MYO5C: variants seen among roughly 807,000 people sequenced by gnomAD.
MYO5C encodes myosin VC.
Under a neutral mutation model 235.7 loss-of-function variants are expected in MYO5C, and 194 were observed. That is an observed-to-expected ratio of 0.82 (90% CI 0.73 to 0.93). The LOEUF is 0.93. Ranked by LOEUF, MYO5C falls within the 40% of genes least tolerant of loss-of-function variation. The pLI is 0.00. For synonymous variants in MYO5C, 707 were observed against 754.8 expected (o/e 0.94, Z 1.04); for missense variants, 2,038 against 2,127.2 (o/e 0.96, Z 0.82).
At chr15:52,239,163 C>A (rs1052219104) in intron 21 of MYO5C, among the ~76,000 whole-genome samples, 5 of 152,054 alleles carry the variant, frequency 3.3e-5, no homozygotes, top group Admixed American at 6.6e-5. Flanking sequence ...GTTGGTCACG[C>A]TGGTCTCGAA....
rs1251097198 is a variant in MYO5C at position 52,204,956 on chromosome 15, T to G, written c.4729A>C (p.Lys1577Gln). ...LDPELVRQAV[K>Q]QLFFLIGAVT... is the part of the protein sequence containing the mutation. ...GCCCCGATCAAGAAGAAGAGCTGCT[T>G]CACCGCCTGCCTCACAAGCTCGGGG... The change falls in exon 38 of 41, where the codon AAG (lysine) becomes CAG (glutamine). Residue 1577 changes from lysine (K) to glutamine (Q), a missense_variant. Transcript: ENST00000261839. 1 of 1,614,124 alleles carries G rather than the reference T, an allele frequency of 6.2e-7. No homozygotes were observed. Among genetic ancestry groups the G allele is most frequent in the Admixed American group, 1.7e-5 (1 of 60,010 alleles).
In MYO5C at chr15:52,248,684, C is replaced by A. The variant is rs554525934; in HGVS notation, c.1746+16G>T. 6 of 1,594,726 alleles carry A rather than the reference C, an allele frequency of 3.8e-6. No individual in the cohort carries two copies. The Admixed American group carries it at 1.0e-4, about 27-fold the overall frequency. On this transcript the variant is annotated intron_variant, in intron 14 of 40. Transcript: ENST00000261839. The stretch of plus-strand genomic sequence containing the variant: ...AATTATATAATAACTTTAGTTACCC[C>A]TAGGACTTTACAGACCTTGCTTGCT...
chr15:52,264,785 GTT>G (rs2036767501), intron 8 of MYO5C, among the ~76,000 whole-genome samples: 1 of 152,182 alleles, frequency 6.6e-6, no homozygotes, highest in Non-Finnish European at 1.5e-5. Flanking sequence ...CTTTGGTTGG[GTT>G]TGATTCATGG....
rs1398582520 is a variant in MYO5C at position 52,260,989 on chromosome 15, T to C, written c.1186A>G (p.Asn396Asp). ...VKPMTRPQAV[N>D]ARDALAKKIY... ...TTTTTGGCCAGTGCATCCCTGGCGT[T>C]GACAGCCTGAGGCCTGGTCATGGGT... is the stretch of plus-strand genomic sequence containing the variant. The change falls in exon 10 of 41, where the codon AAC becomes GAC. Residue 396 changes from asparagine (N) to aspartate (D), a missense_variant. Asn to Asp is a conservative substitution (Grantham distance 23). Coordinates refer to ENST00000261839, the MANE Select transcript of MYO5C (RefSeq NM_018728.4). 1 of 1,614,250 alleles carries C rather than the reference T, an allele frequency of 6.2e-7. No individual in the cohort carries two copies. Among genetic ancestry groups the C allele is most frequent in the Admixed American group, 1.7e-5 (1 of 60,036 alleles).
chr15:52,207,746 A>G (rs1468015305), intron 36 of MYO5C, among the ~76,000 whole-genome samples: 10 of 152,236 alleles, frequency 6.6e-5, no homozygotes, highest in Non-Finnish European at 7.3e-5. Flanking sequence ...GCTAAGCTAC[A>G]GTCTATCCAT....
chr15:52,213,166 CCAGA>C lies in MYO5C; in HGVS notation c.4141+18_4141+21del. 1 of 1,598,350 alleles carries C rather than the reference CCAGA, an allele frequency of 6.3e-7. No homozygotes were observed. Among genetic ancestry groups the C allele is most frequent in the South Asian group, 1.1e-5 (1 of 90,670 alleles). The stretch of plus-strand genomic sequence containing the variant: ...AAGTTCTCAAAGAGAAAGCAAAAAT[CCAGA>C]GTTCCAGGTTTCACTACCAAGAATG... On this transcript the variant is annotated intron_variant, in intron 34 of 40. Transcript: ENST00000261839.
At chr15:52,202,928 G>GTTTT (rs67608739) in intron 38 of MYO5C, among the ~76,000 whole-genome samples, 4 of 146,072 alleles carry the variant, frequency 2.7e-5, no homozygotes, top group Non-Finnish European at 3.0e-5. Flanking sequence ...ATTTTTTTTT[G>GTTTT]TTTTTTTTTT....
At chr15:52,198,356 G>A (rs1236852821) in intron 38 of MYO5C, among the ~76,000 whole-genome samples, 1 of 152,114 alleles carries the variant, frequency 6.6e-6, no homozygotes, top group African/African-American at 2.4e-5. Context: ...ATCAGTCCCA[G>A]CTGTGACCTT....
chr15:52,217,296 A>G (rs190157528), intron 32 of MYO5C, among the ~76,000 whole-genome samples: 11 of 152,354 alleles, frequency 7.2e-5, no homozygotes, highest in African/African-American at 2.6e-4. Flanking sequence ...GAGCAGAGCC[A>G]GACACTTGGA....
At chr15:52,219,673 A>G in intron 31 of MYO5C, 86 bp downstream of exon 31, 1 of 1,065,734 alleles carries the variant, frequency 9.4e-7, no homozygotes, top group Non-Finnish European at 1.4e-6. Flanking sequence ...GCTTTTTGGC[A>G]TTAGTAACAC....
intron 33 of MYO5C, among the ~76,000 whole-genome samples, chr15:52,213,713 C>G (rs796331114): frequency 2.0e-5 from 3 of 152,340 alleles, no homozygotes; most frequent in African/African-American, 7.2e-5. Context: ...AAAGTTATCA[C>G]AAACATAGAG....
chr15:52,252,738 G>C (rs2036499388), intron 12 of MYO5C, among the ~76,000 whole-genome samples: 1 of 151,080 alleles, frequency 6.6e-6, no homozygotes, highest in Non-Finnish European at 1.5e-5. Context: ...TGGCACCACT[G>C]CACTCCAGCC....
chr15:52,260,338 C>A (rs4496072), intron 10 of MYO5C, among the ~76,000 whole-genome samples: 143,075 of 152,268 alleles, frequency 0.94, 67,595 homozygotes, highest in Non-Finnish European at 0.99. Context: ...TGGGTTCAGT[C>A]CACCTCTGGC....
At chr15:52,287,256 A>G (rs1031531162) in intron 1 of MYO5C, among the ~76,000 whole-genome samples, 4 of 152,192 alleles carry the variant, frequency 2.6e-5, no homozygotes, top group Non-Finnish European at 5.9e-5. Context: ...GCAGTGACAC[A>G]CACTCTTGTG....
At chr15:52,211,947 G>T in intron 34 of MYO5C, 63 bp from the exon 35 acceptor site, 5 of 1,537,238 alleles carry the variant, frequency 3.3e-6, no homozygotes, top group Non-Finnish European at 4.4e-6. Flanking sequence ...TAAGGAACTT[G>T]TGACTAGGGG....
chr15:52,225,785 C>G (rs1262547707), intron 25 of MYO5C, among the ~76,000 whole-genome samples: 1 of 152,044 alleles, frequency 6.6e-6, no homozygotes, highest in Non-Finnish European at 1.5e-5. Flanking sequence ...CATGGTGGCT[C>G]ACACCTGTAA....
Position 52,196,501 on chromosome 15 carries a change from A to G in MYO5C, c.4821-18T>C. The G allele has an allele frequency of 6.2e-7, 1 of 1,607,208 alleles. No homozygotes were observed. The highest frequency in any genetic ancestry group is 1.1e-5 in the South Asian group (1 of 89,466). The stretch of plus-strand genomic sequence containing the variant: ...TATTGCACCTGGAGGGAAAGGCAGA[A>G]GAACAGAGAATACTTTAGGGAAGGG... On this transcript the variant is annotated intron_variant, in intron 38 of 40. Coordinates refer to ENST00000261839, the MANE Select transcript of MYO5C (RefSeq NM_018728.4).
At position 52,279,632 on chromosome 15, in the gene MYO5C, G is replaced by T; in HGVS notation, c.181C>A (p.Arg61=). The change falls in exon 3 of 41, where the codon CGG becomes AGG. Residue 61 remains arginine (R), a synonymous_variant. Transcript: ENST00000261839. ...TCGCCCACGAGGATGTCAGGATTCC[G>T]AAGTGGAGGCAGAGATTCTGGATTG... The part of the protein sequence containing the change: ...SVNPESLPPL[R]NPDILVGEND... The T allele has an allele frequency of 6.2e-7, 1 of 1,613,666 alleles. No individual in the cohort carries two copies. The highest frequency in any genetic ancestry group is 8.5e-7 in the Non-Finnish European group (1 of 1,179,550).
chr15:52,277,946 T>A, intron 4 of MYO5C: 1 of 455,924 alleles, frequency 2.2e-6, no homozygotes, highest in Non-Finnish European at 4.4e-6. Context: ...CGGAGGGAGC[T>A]CAGGAGCTGC....
Sources: gnomAD v4.1 joint callset for allele counts (sites outside exome capture counted in the v4.1 genomes callset) on GRCh38, gnomAD v4.1.1 for gene constraint, MANE v1.5 for transcripts, NCBI Gene and HGNC (gene_info 2026-07-23, HGNC 2026-07-21) for gene names.